Variants in ZBTB4 observed in about 807,000 individuals in gnomAD.
The protein encoded by ZBTB4 is zinc finger and BTB domain containing 4.
A neutral mutation model predicts 59.8 loss-of-function variants in ZBTB4; 14 were observed. The observed-to-expected ratio is 0.23, with a 90% CI of 0.15 to 0.37. ZBTB4 has a LOEUF of 0.37. Ranked by LOEUF, ZBTB4 falls within the 10% of genes least tolerant of loss-of-function variation. The pLI is 1.00. For synonymous variants in ZBTB4, 587 were observed against 575.2 expected (o/e 1.02, Z -0.29); for missense variants, 1,198 against 1,380.8 (o/e 0.87, Z 2.10).
At chr17:7,474,035 G>A (rs1367035692) in intron 1 of ZBTB4, among the ~76,000 whole-genome samples, 1 of 151,786 alleles carries the variant, frequency 6.6e-6, no homozygotes, top group African/African-American at 2.4e-5. Context: ...TCCTGCCTCA[G>A]CCTCCCAAAA....
At position 7,460,030 on chromosome 17, in the gene ZBTB4, T is replaced by C. The variant is rs971697241; in HGVS notation, c.*1910A>G. ...TAGATATATAATTTGTGTGTAGATA[T>C]ATATATATGTATTCTTTATTACGTA... On this transcript the variant is annotated 3_prime_UTR_variant, in exon 4 of 4. Coordinates refer to ENST00000380599, the MANE Select transcript of ZBTB4 (RefSeq NM_001128833.2). 32 of 152,644 alleles carry C rather than the reference T, an allele frequency of 2.1e-4. No individual in the cohort carries two copies. The highest frequency in any genetic ancestry group is 7.0e-4 in the African/African-American group (29 of 41,470). 9.5% of individuals were successfully genotyped at this position (152,644 alleles called of 1,614,324 possible).
In ZBTB4 at chr17:7,465,921, C is replaced by G; in HGVS notation, c.881G>C (p.Gly294Ala). The change falls in exon 3 of 4, where the codon GGG (glycine) becomes GCG (alanine). Residue 294 changes from glycine to alanine, a missense_variant. Around this residue, in one of 9 missense-constraint regions of ZBTB4, gnomAD observed 204 missense variants for 205.5 expected, o/e 0.99. Transcript: ENST00000380599. ...SALPPPVGFRGGPEHVVKVVG... is the reference protein window; with the variant it reads ...SALPPPVGFRAGPEHVVKVVG... ...CACCTTCACCACGTGCTCGGGGCCC[C>G]CTCGGAAGCCCACTGGTGGAGGCAG... The G allele has an allele frequency of 6.2e-7, 1 of 1,610,406 alleles. No individual in the cohort carries two copies. Among genetic ancestry groups the G allele is most frequent in the Non-Finnish European group, 8.5e-7 (1 of 1,177,540 alleles).
Position 7,465,916 on chromosome 17 carries a change from G to A in ZBTB4, c.886C>T (p.Pro296Ser). 2 of 1,611,172 alleles carry A rather than the reference G, an allele frequency of 1.2e-6. No homozygotes were observed. Among genetic ancestry groups the A allele is most frequent in the Non-Finnish European group, 8.5e-7 (1 of 1,178,078 alleles). The change falls in exon 3 of 4, where the codon CCC becomes TCC. Residue 296 changes from proline (P) to serine (S), a missense_variant. By Grantham distance (74) the Pro-to-Ser change is moderately conservative. Around this residue, in one of 9 missense-constraint regions of ZBTB4, gnomAD observed 204 missense variants for 205.5 expected, o/e 0.99. Transcript: ENST00000380599. ...CCCACCACCTTCACCACGTGCTCGG[G>A]GCCCCCTCGGAAGCCCACTGGTGGA... ...LPPPVGFRGG[P>S]EHVVKVVGGH...
At chr17:7,482,728 T>C (rs533696655), upstream of ZBTB4, 82 of 1,611,926 alleles carry the variant, frequency 5.1e-5, no homozygotes, top group African/African-American at 6.7e-5. Context: ...TGTTGCCCAG[T>C]GATCTCCCGA....
Position 7,466,893 on chromosome 17 carries a change from T to A in ZBTB4, c.-9-83A>T. 1 of 1,436,714 alleles carries A rather than the reference T, an allele frequency of 7.0e-7. No individual in the cohort carries two copies. Among genetic ancestry groups the A allele is most frequent in the East Asian group, 2.5e-5 (1 of 40,002 alleles). 89.0% of individuals were successfully genotyped at this position (1,436,714 alleles called of 1,614,324 possible). A position where few individuals can be genotyped will look rare whatever the true frequency, so the allele number is the denominator to read the frequency against. The stretch of plus-strand genomic sequence containing the variant: ...CTTCTAAAATCAGGCAGAGAGAGGA[T>A]CAGGAGCTGCTGGTCAGAAACTAGT... On this transcript the variant is annotated intron_variant, in intron 2 of 3. Coordinates refer to ENST00000380599, the MANE Select transcript of ZBTB4 (RefSeq NM_001128833.2). This position sits in a 1 kb window ranked among gnomAD's most constrained non-coding sequence, Gnocchi z 9.1.
intron 1 of ZBTB4, among the ~76,000 whole-genome samples, chr17:7,478,854 GC>G (rs1371140816): frequency 6.6e-6 from 1 of 152,150 alleles, no homozygotes; most frequent in Non-Finnish European, 1.5e-5. Flanking sequence ...ACCCCTGGCT[GC>G]CAGCAAACGG....
chr17:7,468,983 T>C (rs2070163783), intron 1 of ZBTB4, among the ~76,000 whole-genome samples: 1 of 152,102 alleles, frequency 6.6e-6, no homozygotes, highest in Admixed American at 6.5e-5. Context: ...TTCAGGTAGG[T>C]CGTAGGTCAG....
chr17:7,476,175 CCT>C (rs1242926389), intron 1 of ZBTB4, among the ~76,000 whole-genome samples: 1 of 152,220 alleles, frequency 6.6e-6, no homozygotes, highest in Non-Finnish European at 1.5e-5. Context: ...CCCTCCTCCC[CCT>C]GAGGGTCAAC....
intron 1 of ZBTB4, among the ~76,000 whole-genome samples, chr17:7,469,678 T>C (rs543220955): frequency 2.0e-5 from 3 of 151,764 alleles, no homozygotes; most frequent in South Asian, 4.2e-4. Context: ...GGTAGGAGAA[T>C]TGCTGGAACC....
At chr17:7,482,627 T>C (rs1422325632), upstream of ZBTB4, 6 of 1,611,978 alleles carry the variant, frequency 3.7e-6, no homozygotes, top group African/African-American at 8.0e-5. Flanking sequence ...TTCTCTGCAC[T>C]TTCCCTCCTG....
In ZBTB4 at chr17:7,466,085, A is replaced by G; in HGVS notation, c.717T>C (p.Cys239=). 2 of 1,605,678 alleles carry G rather than the reference A, an allele frequency of 1.2e-6. No homozygotes were observed. Among genetic ancestry groups the G allele is most frequent in the Non-Finnish European group, 1.7e-6 (2 of 1,175,276 alleles). The change falls in exon 3 of 4, where the codon TGT becomes TGC. Residue 239 remains cysteine, a synonymous_variant. Transcript: ENST00000380599. This position sits in a 1 kb window ranked among gnomAD's most constrained non-coding sequence, Gnocchi z 9.1. The part of the protein sequence containing the change: ...LPRRPLPCPQ[C]GKSFIHPKRL... ...GTTTGGGATGGATGAAGCTTTTTCCACACTGGGGGCAGGGGAGGGGCCGCC... is the reference window on the plus strand; with the variant it reads ...GTTTGGGATGGATGAAGCTTTTTCCGCACTGGGGGCAGGGGAGGGGCCGCC...
intron 1 of ZBTB4, among the ~76,000 whole-genome samples, chr17:7,468,836 A>G (rs561079881): frequency 3.3e-5 from 5 of 152,202 alleles, no homozygotes; most frequent in Non-Finnish European, 5.9e-5. Flanking sequence ...ACATCCCCCA[A>G]AATATTTTCC....
rs1262907745 is a variant in ZBTB4 at position 7,463,155 on chromosome 17, C to T, written c.1827G>A (p.Gly609=). ...TGCGGCGCTTGACGATGGCCTCCTC[C>T]CCTATTCGCACAGTGATCTGACACA... is the stretch of plus-strand genomic sequence containing the variant. ...PPLCQITVRI[G]EEAIVKRRIS... is the part of the protein sequence containing the mutation. The change falls in exon 4 of 4, where the codon GGG becomes GGA. Residue 609 remains glycine (G), a synonymous_variant. Coordinates refer to ENST00000380599, the MANE Select transcript of ZBTB4 (RefSeq NM_001128833.2). 6.2e-7 allele frequency: 1 copy of T among 1,607,822 alleles called. No individual in the cohort carries two copies. Among genetic ancestry groups the T allele is most frequent in the Non-Finnish European group, 8.5e-7 (1 of 1,178,856 alleles).
upstream of ZBTB4, chr17:7,482,770 C>T (rs1286247582): frequency 9.9e-6 from 16 of 1,611,950 alleles, no homozygotes; most frequent in African/African-American, 2.7e-5. Context: ...TGGGGATCCT[C>T]GCCTTGGTCT....
chr17:7,481,099 C>T (rs893487946), upstream of ZBTB4, among the ~76,000 whole-genome samples: 3 of 147,984 alleles, frequency 2.0e-5, no homozygotes, highest in African/African-American at 5.0e-5. Context: ...GTGGAGGTTG[C>T]GGTGAGCCGA....
In ZBTB4 at chr17:7,461,615, C is replaced by T. The variant is rs1334972594; in HGVS notation, c.*325G>A. On this transcript the variant is annotated 3_prime_UTR_variant, in exon 4 of 4. Transcript: ENST00000380599. ...AGGGGAGCAGGTTAGACATTCAGAG[C>T]TGGTGGGGGCTGTGAGTAGAGATTC... The T allele has an allele frequency of 8.3e-6, 2 of 241,244 alleles. No homozygotes were observed. The highest frequency in any genetic ancestry group is 5.2e-5 in the Admixed American group (1 of 19,410). The allele number at this position is 241,244 out of a possible 1,614,324, so 14.9% of individuals were successfully genotyped here. A position where few individuals can be genotyped will look rare whatever the true frequency, so the allele number is the denominator to read the frequency against.
intron 1 of ZBTB4, among the ~76,000 whole-genome samples, chr17:7,479,018 G>A (rs1185602207): frequency 6.6e-6 from 1 of 152,134 alleles, no homozygotes. Context: ...GGGGCGCTCG[G>A]CGGCCCACCC....
At chr17:7,484,018 G>T (rs982839646), upstream of ZBTB4, 3 of 121,988 alleles carry the variant, frequency 2.5e-5, no homozygotes, top group East Asian at 2.7e-4. Flanking sequence ...TCGCAGAGCA[G>T]ACCATTTTCC....
chr17:7,464,782 G>A (rs1410526472), intron 3 of ZBTB4, among the ~76,000 whole-genome samples: 1 of 150,712 alleles, frequency 6.6e-6, no homozygotes. Flanking sequence ...AGGTTGCACT[G>A]AGCTGAGATT....
Sources: allele counts gnomAD v4.1 joint callset (sites outside exome capture counted in the v4.1 genomes callset), GRCh38; gene constraint gnomAD v4.1.1; regional missense constraint gnomAD v4.1.1; non-coding constraint Gnocchi (gnomAD v3.1); transcripts MANE v1.5; gene names NCBI Gene and HGNC (gene_info 2026-07-23, HGNC 2026-07-21).